Variants in CD1B observed in about 807,000 individuals in gnomAD.
CD1B encodes the protein CD1b molecule.
CD1B carries 43 observed loss-of-function variants against 39.8 expected under a neutral mutation model. The ratio of observed to expected loss-of-function variants is 1.08; its 90% CI spans 0.85 to 1.39. The LOEUF is 1.39. Ranked by LOEUF, CD1B falls within the 40% of genes most tolerant of loss-of-function variation. The pLI is 0.00. For synonymous variants in CD1B, 192 were observed against 152.5 expected (o/e 1.26, Z -1.91); for missense variants, 495 against 403.8 (o/e 1.23, Z -1.94).
At chr1:158,316,474 A>T in the CD1B span, among the ~76,000 whole-genome samples, 1 of 151,738 alleles carries the variant, frequency 6.6e-6, no homozygotes, top group African/African-American at 2.4e-5. Flanking sequence ...TTGTTGGTGT[A>T]TAAGAATGCT....
chr1:158,316,644 T>G, the CD1B span, among the ~76,000 whole-genome samples: 1 of 150,930 alleles, frequency 6.6e-6, no homozygotes, highest in Non-Finnish European at 1.5e-5. Flanking sequence ...TTGAATACCC[T>G]TTATTTCCTT....
At chr1:158,301,602 G>T in the CD1B span, among the ~76,000 whole-genome samples, 1 of 152,172 alleles carries the variant, frequency 6.6e-6, no homozygotes, top group Non-Finnish European at 1.5e-5. Context: ...CTTTAAGAAT[G>T]TTGAATATTG....
At chr1:158,303,750 G>T in the CD1B span, among the ~76,000 whole-genome samples, 4 of 152,162 alleles carry the variant, frequency 2.6e-5, no homozygotes, top group African/African-American at 9.6e-5. Flanking sequence ...GAATTATAAA[G>T]CACTGCTAAA....
the CD1B span, among the ~76,000 whole-genome samples, chr1:158,309,342 A>G: frequency 3.9e-5 from 6 of 152,124 alleles, no homozygotes; most frequent in Non-Finnish European, 7.4e-5. Flanking sequence ...AGAGGTGTGG[A>G]GAGGATGTGG....
the CD1B span, among the ~76,000 whole-genome samples, chr1:158,312,925 C>T: frequency 1.3e-5 from 2 of 152,064 alleles, no homozygotes; most frequent in Non-Finnish European, 2.9e-5. Flanking sequence ...TGCTTAGTTC[C>T]AGATTTTAGA....
the CD1B span, chr1:158,292,862 A>G: frequency 8.1e-6 from 13 of 1,613,940 alleles, no homozygotes; most frequent in African/African-American, 6.7e-5. Context: ...CCAGGACATC[A>G]TCCTCTACTG....
chr1:158,288,990 T>C, the CD1B span, among the ~76,000 whole-genome samples: 2 of 152,220 alleles, frequency 1.3e-5, no homozygotes, highest in Non-Finnish European at 2.9e-5. Context: ...CTTGAAAAGC[T>C]GCATGTTCTG....
chr1:158,314,612 G>C, the CD1B span, among the ~76,000 whole-genome samples: 1 of 151,638 alleles, frequency 6.6e-6, no homozygotes, highest in Non-Finnish European at 1.5e-5. Context: ...TCTTAGAAAT[G>C]CTTTTGCTGT....
the CD1B span, among the ~76,000 whole-genome samples, chr1:158,320,510 C>T: frequency 6.6e-6 from 1 of 152,172 alleles, no homozygotes; most frequent in Non-Finnish European, 1.5e-5. Context: ...CCTCACCCCG[C>T]TTCAGCTGGC....
At chr1:158,292,016 C>T in the CD1B span, 1 of 1,481,440 alleles carries the variant, frequency 6.8e-7, no homozygotes, top group Non-Finnish European at 9.1e-7. Context: ...TGATACAGCC[C>T]TAGGTTTTTA....
chr1:158,293,910 A>G, the CD1B span, among the ~76,000 whole-genome samples: 5 of 152,328 alleles, frequency 3.3e-5, no homozygotes, highest in South Asian at 8.3e-4. Flanking sequence ...AGTTGGATTA[A>G]CTGTCATGTT....
At chr1:158,309,308 C>T in the CD1B span, among the ~76,000 whole-genome samples, 6 of 152,018 alleles carry the variant, frequency 3.9e-5, no homozygotes, top group African/African-American at 7.2e-5. Flanking sequence ...TTTAGAATGG[C>T]GATCATTAAA....
At chr1:158,321,289 G>A in the CD1B span, among the ~76,000 whole-genome samples, 1 of 151,640 alleles carries the variant, frequency 6.6e-6, no homozygotes, top group African/African-American at 2.4e-5. Flanking sequence ...AGTTTTTTTG[G>A]CTTAAAGTCT....
chr1:158,312,550 AT>A, the CD1B span, among the ~76,000 whole-genome samples: 250 of 152,022 alleles, frequency 1.6e-3, no homozygotes, highest in African/African-American at 5.5e-3. Flanking sequence ...TGTTTTATAG[AT>A]TTTTTTGTAG....
the CD1B span, among the ~76,000 whole-genome samples, chr1:158,308,227 C>A: frequency 6.6e-6 from 1 of 152,150 alleles, no homozygotes; most frequent in Admixed American, 6.5e-5. Flanking sequence ...AACTCCCATT[C>A]ACAATTGCTT....
At chr1:158,321,926 C>A in the CD1B span, among the ~76,000 whole-genome samples, 1 of 152,118 alleles carries the variant, frequency 6.6e-6, no homozygotes, top group Admixed American at 6.5e-5. Context: ...CTCTCATCCA[C>A]CACACTCAGG....
downstream of CD1B, among the ~76,000 whole-genome samples, chr1:158,327,775 C>G (rs555763164): frequency 1.3e-5 from 2 of 152,292 alleles, no homozygotes; most frequent in East Asian, 3.9e-4. Flanking sequence ...GCTGAGCCTT[C>G]AGGGCTAGAA....
chr1:158,293,033 A>G, the CD1B span, among the ~76,000 whole-genome samples: 3 of 152,208 alleles, frequency 2.0e-5, no homozygotes, highest in Non-Finnish European at 4.4e-5. Context: ...ATACATGGAT[A>G]CTAGAGATTT....
downstream of CD1B, among the ~76,000 whole-genome samples, chr1:158,325,693 A>T (rs1467811243): frequency 6.6e-6 from 1 of 152,108 alleles, no homozygotes; most frequent in Non-Finnish European, 1.5e-5. Context: ...TCACACAGAG[A>T]AAAGCTTTTC....
Sources: gnomAD v4.1 joint callset for allele counts (sites outside exome capture counted in the v4.1 genomes callset) on GRCh38, gnomAD v4.1.1 for gene constraint, MANE v1.5 for transcripts, NCBI Gene and HGNC (gene_info 2026-07-23, HGNC 2026-07-21) for gene names.